RIPOR2: variants seen among roughly 807,000 people sequenced by gnomAD.
RIPOR2 encodes the protein RHO family interacting cell polarization regulator 2, also known as rho family-interacting cell polarization regulator 2.
A neutral mutation model predicts 114.5 loss-of-function variants in RIPOR2; 39 were observed. The ratio of observed to expected loss-of-function variants is 0.34; its 90% CI spans 0.26 to 0.44. RIPOR2 has a LOEUF of 0.44. RIPOR2 is among the 20% of genes least tolerant of loss of function. RIPOR2 has a pLI of 1.00. For missense variants in RIPOR2, 1,007 were observed against 1,255.1 expected, an observed-to-expected ratio of 0.80 and a Z score of 2.99; for synonymous variants, 445 against 484.4, an observed-to-expected ratio of 0.92 and a Z score of 1.07.
intron 9 of RIPOR2, among the ~76,000 whole-genome samples, chr6:24,852,176 C>T (rs369104593): frequency 2.6e-5 from 4 of 152,058 alleles, no homozygotes; most frequent in East Asian, 3.9e-4. Flanking sequence ...GCAGGAGAAT[C>T]GCTTGAATCC....
At chr6:24,865,509 A>G (rs1434857230) in intron 6 of RIPOR2, 59 bp from the exon 7 acceptor site, 1 of 1,390,496 alleles carries the variant, frequency 7.2e-7, no homozygotes, top group Admixed American at 2.2e-5. Context: ...AAATACATAG[A>G]TCATTGTTAC....
chr6:24,998,485 A>C (rs570080347), intron 1 of RIPOR2, among the ~76,000 whole-genome samples: 1 of 152,336 alleles, frequency 6.6e-6, no homozygotes, highest in East Asian at 1.9e-4. Flanking sequence ...TTCTATCAAA[A>C]AATCTAGCAT....
chr6:24,942,782 T>A (rs1260474932), intron 1 of RIPOR2, among the ~76,000 whole-genome samples: 1 of 152,246 alleles, frequency 6.6e-6, no homozygotes, highest in East Asian at 1.9e-4. Context: ...CTTGTAAATT[T>A]GTTTGAGTTC....
intron 1 of RIPOR2, among the ~76,000 whole-genome samples, chr6:25,006,470 T>C (rs943772244): frequency 1.3e-5 from 2 of 152,234 alleles, no homozygotes; most frequent in African/African-American, 2.4e-5. Flanking sequence ...ATCTGTCTTT[T>C]CAAATCTCTC....
intron 1 of RIPOR2, among the ~76,000 whole-genome samples, chr6:24,894,144 T>A (rs1767627574): frequency 6.6e-6 from 1 of 152,222 alleles, no homozygotes; most frequent in African/African-American, 2.4e-5. Context: ...GCTGTTTGTA[T>A]CTCAAATATT....
chr6:24,892,413 G>A (rs578258451), intron 1 of RIPOR2, among the ~76,000 whole-genome samples: 2 of 151,974 alleles, frequency 1.3e-5, no homozygotes, highest in Non-Finnish European at 2.9e-5. Flanking sequence ...GCATCATTCC[G>A]TATGCTCACA....
intron 1 of RIPOR2, among the ~76,000 whole-genome samples, chr6:25,020,761 C>T (rs1441590559): frequency 1.3e-5 from 2 of 152,196 alleles, no homozygotes; most frequent in Non-Finnish European, 2.9e-5. Context: ...ATAAAATTCA[C>T]AAATAATATT....
At chr6:24,825,564 A>G in intron 18 of RIPOR2, 136 bp from the exon 19 acceptor site, 1 of 646,254 alleles carries the variant, frequency 1.5e-6, no homozygotes, top group Non-Finnish European at 2.7e-6. Context: ...TTAGCATCTG[A>G]TAAAGATGGT....
intron 1 of RIPOR2, chr6:24,948,136 C>G (rs1330494554): frequency 6.6e-6 from 1 of 152,188 alleles, no homozygotes; most frequent in Admixed American, 6.5e-5. Context: ...GTTAACAACC[C>G]TTCTATCACT....
intron 1 of RIPOR2, among the ~76,000 whole-genome samples, chr6:24,917,065 A>G (rs1056878379): frequency 6.6e-6 from 1 of 152,212 alleles, no homozygotes; most frequent in South Asian, 2.1e-4. Flanking sequence ...TTATTATTAT[A>G]TTACATATTT....
intron 1 of RIPOR2, chr6:24,976,921 G>C: frequency 6.3e-7 from 1 of 1,593,734 alleles, no homozygotes; most frequent in South Asian, 1.1e-5. Context: ...AGCGCTTTGG[G>C]TCCAGGAATG....
At position 24,869,316 on chromosome 6, in the gene RIPOR2, ATT is replaced by A. The variant is rs56329568; in HGVS notation, c.448-171_448-170del. Among the ~76,000 whole-genome samples, 13,364 of 135,028 alleles carry A rather than the reference ATT, an allele frequency of 0.099. 687 individuals are homozygous for A. Among genetic ancestry groups the A allele is most frequent in the African/African-American group, 0.18 (6,446 of 35,940 alleles). 88.6% of individuals were successfully genotyped at this position (135,028 alleles called of 152,430 possible). ...TAGAGATTCTCTAATACCAATTTGG[ATT>A]TTTTTTTTTTTTTTTTGAGATGAAG... On this transcript the variant is annotated intron_variant, in intron 5 of 21. Coordinates refer to ENST00000643898, the MANE Select transcript of RIPOR2 (RefSeq NM_001286445.3).
intron 1 of RIPOR2, among the ~76,000 whole-genome samples, chr6:24,977,267 A>T (rs923517046): frequency 6.9e-6 from 1 of 145,720 alleles, no homozygotes; most frequent in African/African-American, 2.5e-5. Context: ...AGCCATACAT[A>T]TAGAAAAAAA....
At chr6:24,908,909 T>C (rs2114054484) in intron 1 of RIPOR2, among the ~76,000 whole-genome samples, 1 of 152,354 alleles carries the variant, frequency 6.6e-6, no homozygotes, top group East Asian at 1.9e-4. Context: ...CGGTTTTCTT[T>C]CTCTGTAGCT....
At chr6:24,828,730 G>A (rs556612804) in intron 17 of RIPOR2, among the ~76,000 whole-genome samples, 2 of 151,812 alleles carry the variant, frequency 1.3e-5, no homozygotes, top group South Asian at 2.1e-4. Context: ...ATATGTGTGT[G>A]TAGGAGAGAG....
intron 1 of RIPOR2, among the ~76,000 whole-genome samples, chr6:24,983,509 C>T (rs1032099726): frequency 8.6e-5 from 13 of 152,026 alleles, no homozygotes; most frequent in African/African-American, 2.9e-4. Flanking sequence ...GTAATCTCAG[C>T]GCTTTGGGAG....
chr6:24,980,033 G>A (rs1356239319), intron 1 of RIPOR2, among the ~76,000 whole-genome samples: 3 of 152,210 alleles, frequency 2.0e-5, no homozygotes, highest in Non-Finnish European at 4.4e-5. Flanking sequence ...AAAAGGGACA[G>A]CCCATACTTA....
At chr6:24,839,862 C>T in intron 13 of RIPOR2, 1 of 1,111,158 alleles carries the variant, frequency 9.0e-7, no homozygotes, top group Non-Finnish European at 1.1e-6. Context: ...AAAGGACTAA[C>T]AAAACAAATC....
chr6:24,907,459 A>G (rs1769110839), intron 1 of RIPOR2, among the ~76,000 whole-genome samples: 1 of 152,192 alleles, frequency 6.6e-6, no homozygotes, highest in Admixed American at 6.5e-5. Flanking sequence ...CGCACTCAGG[A>G]AAACATGTAT....
Sources: allele counts gnomAD v4.1 joint callset (sites outside exome capture counted in the v4.1 genomes callset), GRCh38; gene constraint gnomAD v4.1.1; transcripts MANE v1.5; gene names NCBI Gene and HGNC (gene_info 2026-07-23, HGNC 2026-07-21).